Variants in ZNF394 observed in about 807,000 individuals in gnomAD.
The protein encoded by ZNF394 is zinc finger protein 99.
In ZNF394, 19 loss-of-function variants were observed where a neutral mutation model predicts 21.8. The observed-to-expected ratio is 0.87, with a 90% confidence interval of 0.61 to 1.28. The LOEUF (loss-of-function observed/expected upper bound fraction) is 1.28. Among genes scored for constraint, ZNF394 ranks in the 50% most tolerant of loss-of-function variants. The pLI is 0.00. For synonymous variants in ZNF394, 294 were observed against 273.3 expected (o/e 1.08, Z -0.75); for missense variants, 683 against 708.6 (o/e 0.96, Z 0.41).
In ZNF394 at chr7:99,493,798, C is replaced by T. The variant is rs1800218948; in HGVS notation, c.1417G>A (p.Glu473Lys). The change falls in exon 3 of 3, where the codon GAA becomes AAA. Residue 473 changes from glutamate (E) to lysine (K), a missense_variant. Transcript: ENST00000337673. ...HKGERPYKCEECEKSFKQRSD... is the reference protein window; with the variant it reads ...HKGERPYKCEKCEKSFKQRSD... The stretch of plus-strand genomic sequence containing the variant: ...CGCTGTTTGAAGCTCTTCTCGCATT[C>T]TTCACACTTATAGGGTCTTTCCCCT... 1 of 1,613,120 alleles carries T rather than the reference C, an allele frequency of 6.2e-7. No individual in the cohort carries two copies. The highest frequency in any genetic ancestry group is 8.5e-7 in the Non-Finnish European group (1 of 1,179,814).
intron 2 of ZNF394, among the ~76,000 whole-genome samples, chr7:99,496,663 C>T (rs1800317224): frequency 6.6e-6 from 1 of 152,096 alleles, no homozygotes; most frequent in African/African-American, 2.4e-5. Flanking sequence ...ATCTGCCCAC[C>T]TCGGCCTCCC....
rs549963226 is a variant in ZNF394, at chr7:99,499,538, C to G, written c.456+100G>C. 1.1e-5 allele frequency: 13 copies of G among 1,139,530 alleles called. No homozygotes were observed. The African/African-American group carries it at 2.0e-4, about 18-fold the overall frequency. 70.6% of individuals were successfully genotyped at this position (1,139,530 alleles called of 1,614,324 possible). On this transcript the variant is annotated intron_variant, in intron 1 of 2. Coordinates refer to ENST00000337673, the MANE Select transcript of ZNF394 (RefSeq NM_032164.4). ...GGAAGTCCATACACACCCCAATGTT[C>G]ACACGAAATGTAATAAGGAAGTAAG... is the stretch of plus-strand genomic sequence containing the variant.
At chr7:99,492,845 A>G (rs143089972), downstream of ZNF394, among the ~76,000 whole-genome samples, 40 of 150,688 alleles carry the variant, frequency 2.7e-4, no homozygotes, top group African/African-American at 9.5e-4. Flanking sequence ...CCAGCTACTC[A>G]GGAGGTTAAG....
chr7:99,491,234 CAAGA>C (rs1286342691), downstream of ZNF394, among the ~76,000 whole-genome samples: 1 of 152,152 alleles, frequency 6.6e-6, no homozygotes, highest in Non-Finnish European at 1.5e-5. Context: ...TTCACTTCTG[CAAGA>C]AATACTCAAA....
intron 1 of ZNF394, among the ~76,000 whole-genome samples, chr7:99,487,951 A>G (rs1377495507): frequency 6.6e-6 from 1 of 151,808 alleles, no homozygotes; most frequent in Non-Finnish European, 1.5e-5. Flanking sequence ...AGGCGCCTGT[A>G]GTCCCAGCTA....
At position 99,493,411 on chromosome 7, in the gene ZNF394, C is replaced by CTTTTTGTATTTTTGT. The variant is rs1349601728; in HGVS notation, c.*117_*118insACAAAAATACAAAAA. On this transcript the variant is annotated 3_prime_UTR_variant, in exon 3 of 3. Coordinates refer to ENST00000337673, the MANE Select transcript of ZNF394 (RefSeq NM_032164.4). ...AGCTGGGCTTACAGGCATGCACCAC[C>CTTTTTGTATTTTTGT]ATGCCCGGCTCATTTTTGTATTTTT... is the stretch of plus-strand genomic sequence containing the variant. 1 of 1,071,202 alleles carries CTTTTTGTATTTTTGT rather than the reference C, an allele frequency of 9.3e-7. No homozygotes were observed. The highest frequency in any genetic ancestry group is 2.6e-5 in the East Asian group (1 of 38,854). 66.4% of individuals were successfully genotyped at this position (1,071,202 alleles called of 1,614,324 possible).
Position 99,494,583 on chromosome 7 carries a change from A to G in ZNF394, c.632T>C (p.Ile211Thr), listed in dbSNP as rs778433180. Reference sequence around the variant, plus strand: ...CCCCTGTGGCTCCGCTTCTTCTAAAATTTGTTGCATTGGAATCAACTCTTT... The same window carrying G: ...CCCCTGTGGCTCCGCTTCTTCTAAAGTTTGTTGCATTGGAATCAACTCTTT... ...ENKELIPMQQ[I>T]LEEAEPQGQL... Residue 211 changes from isoleucine (I) to threonine (T), a missense_variant, in exon 3 of 3, where the codon ATT becomes ACT. Physicochemically the swap from Ile to Thr is moderately conservative, Grantham distance 89. Around this residue, in one of 3 missense-constraint regions of ZNF394, gnomAD observed 402 missense variants for 373.8 expected, o/e 1.08. Coordinates refer to ENST00000337673, the MANE Select transcript of ZNF394 (RefSeq NM_032164.4). The G allele has an allele frequency of 1.2e-5, 19 of 1,602,982 alleles. No individual in the cohort carries two copies. The highest frequency in any genetic ancestry group is 1.5e-5 in the Non-Finnish European group (18 of 1,177,134).
At chr7:99,492,229 G>T (rs1800180046), downstream of ZNF394, among the ~76,000 whole-genome samples, 1 of 152,132 alleles carries the variant, frequency 6.6e-6, no homozygotes, top group African/African-American at 2.4e-5. Context: ...CAGATCTTTT[G>T]GGGATTATGA....
Position 99,498,795 on chromosome 7 carries a change from C to T in ZNF394, c.504G>A (p.Glu168=), listed in dbSNP as rs1450850978. 4.3e-6 allele frequency: 7 copies of T among 1,613,992 alleles called. No homozygotes were observed. The highest frequency in any genetic ancestry group is 1.3e-5 in the African/African-American group (1 of 74,904). ...TCCGTGCTGGGTCCAGGCGCTCCCA[C>T]TCCTCCCAGGTTAGAGACACAGCCG... ...EDTAVSLTWE[E]WERLDPARRD... Residue 168 remains glutamate (E), a synonymous_variant, in exon 2 of 3, where the codon GAG becomes GAA. Coordinates refer to ENST00000337673, the MANE Select transcript of ZNF394 (RefSeq NM_032164.4).
At chr7:99,489,336 C>T (rs1323991789), downstream of ZNF394, among the ~76,000 whole-genome samples, 3 of 151,840 alleles carry the variant, frequency 2.0e-5, no homozygotes, top group Admixed American at 6.6e-5. Context: ...TAATAGGTGC[C>T]GTGGGCCCTG....
intron 2 of ZNF394, 130 bp downstream of exon 2, chr7:99,498,586 C>G: frequency 3.7e-6 from 5 of 1,351,784 alleles, no homozygotes; most frequent in Non-Finnish European, 5.0e-6. Flanking sequence ...GAGGCTCCTG[C>G]TTGCGTTACA....
chr7:99,488,094 CAG>C (rs1409323629), intron 1 of ZNF394, among the ~76,000 whole-genome samples: 8 of 113,920 alleles, frequency 7.0e-5, no homozygotes, highest in African/African-American at 2.8e-4. Context: ...AAAAAAAAAA[CAG>C]AGAAAAGGTT....
chr7:99,488,083 A>AG, intron 1 of ZNF394, among the ~76,000 whole-genome samples: 1 of 151,582 alleles, frequency 6.6e-6, no homozygotes, highest in East Asian at 1.9e-4. Flanking sequence ...AAAAAAAAAA[A>AG]AAAAAAAAAA....
chr7:99,497,924 T>C (rs1800389465), intron 2 of ZNF394: 1 of 151,276 alleles, frequency 6.6e-6, no homozygotes, highest in African/African-American at 2.5e-5. Flanking sequence ...ATAAAAGTCA[T>C]GTGAATGTGG....
chr7:99,490,356 G>A (rs1562891430), downstream of ZNF394, among the ~76,000 whole-genome samples: 1 of 151,862 alleles, frequency 6.6e-6, no homozygotes. Flanking sequence ...GGTTTCGTTC[G>A]CCATGTTGGC....
Position 99,499,958 on chromosome 7 carries a change from G to A in ZNF394, c.136C>T (p.Pro46Ser), listed in dbSNP as rs762554433. The A allele has an allele frequency of 8.7e-6, 14 of 1,613,754 alleles. No homozygotes were observed. Among genetic ancestry groups the A allele is most frequent in the African/African-American group, 1.3e-5 (1 of 74,946 alleles). The change falls in exon 1 of 3, where the codon CCC (proline) becomes TCC (serine). Residue 46 changes from proline (P) to serine (S), a missense_variant. By Grantham distance (74) the Pro-to-Ser change is moderately conservative. Coordinates refer to ENST00000337673, the MANE Select transcript of ZNF394 (RefSeq NM_032164.4). ...LLPVKVEEDS[P>S]GSWEPNYPAA... ...GGATAGTTGGGCTCCCAACTTCCGG[G>A]TGAGTCTTCCTCCACTTTCACGGGC...
chr7:99,488,432 G>A (rs1800081049), downstream of ZNF394, among the ~76,000 whole-genome samples: 1 of 151,244 alleles, frequency 6.6e-6, no homozygotes, highest in African/African-American at 2.4e-5. Context: ...GACCTGGGAG[G>A]TGGAGGTTGC....
At chr7:99,497,431 C>T (rs921777558) in intron 2 of ZNF394, among the ~76,000 whole-genome samples, 20 of 151,120 alleles carry the variant, frequency 1.3e-4, no homozygotes, top group South Asian at 8.4e-4. Context: ...CTGCCCGCCT[C>T]GGCCTCCCAA....
intron 2 of ZNF394, among the ~76,000 whole-genome samples, chr7:99,497,048 C>CTA (rs1320175070): frequency 3.7e-5 from 5 of 135,650 alleles, no homozygotes; most frequent in Admixed American, 7.6e-5. Flanking sequence ...GTACCAAAGC[C>CTA]TATATATATA....
Sources: allele counts gnomAD v4.1 joint callset (sites outside exome capture counted in the v4.1 genomes callset), GRCh38; gene constraint gnomAD v4.1.1; regional missense constraint gnomAD v4.1.1; transcripts MANE v1.5; gene names NCBI Gene and HGNC (gene_info 2026-07-23, HGNC 2026-07-21).